The following UTRN variants were observed in gnomAD, a reference collection of about 807,000 sequenced individuals.
The protein encoded by UTRN is dystrophin-related protein 1.
In UTRN, 283 loss-of-function variants were observed where a neutral mutation model predicts 463.9. The observed-to-expected ratio is 0.61, with a 90% CI of 0.55 to 0.67. The LOEUF (loss-of-function observed/expected upper bound fraction) is 0.67, where lower values mean the gene tolerates loss of function less well. UTRN is among the 30% of genes least tolerant of loss of function. The probability of loss-of-function intolerance (pLI) is 0.00; values close to 1 mark genes in which losing one functional copy is unlikely to be tolerated. For missense variants in UTRN, 3,922 were observed against 4,084.3 expected (o/e 0.96, Z 1.08); for synonymous variants, 1,442 against 1,431.5 (o/e 1.01, Z -0.17).
chr6:144,522,271 A>G (rs926392808), intron 40 of UTRN, 100 bp downstream of exon 40: 11 of 957,406 alleles, frequency 1.1e-5, no homozygotes, highest in Admixed American at 3.2e-5. Flanking sequence ...ATCTTTTACA[A>G]TTTGTGCCAG....
chr6:144,408,596 T>G (rs536015368), intron 3 of UTRN, among the ~76,000 whole-genome samples: 2 of 152,340 alleles, frequency 1.3e-5, no homozygotes, highest in East Asian at 1.9e-4. Context: ...TGAGCCAAGT[T>G]TTCATGTAAG....
At chr6:144,429,523 C>A in intron 8 of UTRN, 58 bp from the exon 9 acceptor site, 1 of 1,453,918 alleles carries the variant, frequency 6.9e-7, no homozygotes, top group South Asian at 1.3e-5. Context: ...TAATATTGAG[C>A]AATTCACATA....
rs1356435223 is a variant in UTRN at position 144,490,140 on chromosome 6, C to A, written c.4204C>A (p.Pro1402Thr). The change falls in exon 31 of 75, where the codon CCC (proline) becomes ACC (threonine). Residue 1402 changes from proline to threonine, a missense_variant. By Grantham distance (38) the Pro-to-Thr change is conservative (BLOSUM62 -1). Transcript: ENST00000367545. ...EELRRNMRSQ[P>T]LTSPESRTAR... ...GTTGAGAAGAAATATGCGTTCTCAG[C>A]CCCTGACCTCCCCAGAGAGTAGGAC... 1 of 1,613,614 alleles carries A rather than the reference C, an allele frequency of 6.2e-7. No individual in the cohort carries two copies. The highest frequency in any genetic ancestry group is 1.3e-5 in the African/African-American group (1 of 74,878).
At chr6:144,611,882 T>G (rs1212858555) in intron 51 of UTRN, among the ~76,000 whole-genome samples, 1 of 152,146 alleles carries the variant, frequency 6.6e-6, no homozygotes, top group African/African-American at 2.4e-5. Context: ...CCACAAATGA[T>G]TCTAAATAGC....
At chr6:144,764,213 G>A (rs1453701702) in intron 58 of UTRN, among the ~76,000 whole-genome samples, 1 of 152,194 alleles carries the variant, frequency 6.6e-6, no homozygotes, top group Non-Finnish European at 1.5e-5. Flanking sequence ...AGGGGCTTCA[G>A]ATAAATGAGC....
intron 19 of UTRN, among the ~76,000 whole-genome samples, chr6:144,455,173 A>G (rs987806808): frequency 2.6e-5 from 4 of 152,330 alleles, no homozygotes; most frequent in African/African-American, 4.8e-5. Flanking sequence ...GTGTATGTCC[A>G]TTTATTTTGA....
intron 73 of UTRN, 77 bp downstream of exon 73, chr6:144,840,909 T>G (rs1586790416): frequency 6.7e-7 from 1 of 1,497,032 alleles, no homozygotes; most frequent in East Asian, 2.3e-5. Context: ...GCCCTTCGCC[T>G]TCTTCCTTAA....
At chr6:144,319,262 C>G (rs1775479055) in intron 2 of UTRN, among the ~76,000 whole-genome samples, 1 of 151,812 alleles carries the variant, frequency 6.6e-6, no homozygotes, top group African/African-American at 2.4e-5. Context: ...AGTTGTGGGT[C>G]TGACATTTTC....
intron 50 of UTRN, 89 bp from the exon 51 acceptor site, chr6:144,577,010 C>T: frequency 7.6e-7 from 1 of 1,313,486 alleles, no homozygotes; most frequent in Non-Finnish European, 1.1e-6. Context: ...TTGGGGGCTG[C>T]CTGTTAGTTT....
intron 47 of UTRN, among the ~76,000 whole-genome samples, chr6:144,550,027 A>G (rs1307214052): frequency 6.6e-6 from 1 of 152,234 alleles, no homozygotes; most frequent in African/African-American, 2.4e-5. Flanking sequence ...CAAGAAATGC[A>G]TAAATCAAGG....
At chr6:144,766,787 G>GGT (rs35485550) in intron 58 of UTRN, among the ~76,000 whole-genome samples, 16,777 of 150,940 alleles carry the variant, frequency 0.11, 1,276 homozygotes, top group East Asian at 0.45. Context: ...TTGAGGTAGG[G>GGT]GTGTGTGTGT....
rs1259695507 is a variant in UTRN at position 144,414,483 on chromosome 6, C to A, written c.142-7395C>A. Among the ~76,000 whole-genome samples, 5 of 151,894 alleles carry A rather than the reference C, an allele frequency of 3.3e-5. No individual in the cohort carries two copies. The East Asian group carries it at 9.7e-4, about 29-fold the overall frequency. ...TGTTTTAAGCTGTTATTATAAAAGT[C>A]AAAAAATTAAAGAAATTGAAAAATT... On this transcript the variant is annotated intron_variant, in intron 3 of 74. Coordinates refer to ENST00000367545, the MANE Select transcript of UTRN (RefSeq NM_007124.3).
intron 43 of UTRN, among the ~76,000 whole-genome samples, chr6:144,537,121 A>T (rs1797608730): frequency 6.6e-6 from 1 of 152,084 alleles, no homozygotes; most frequent in African/African-American, 2.4e-5. Flanking sequence ...TCTATGAATA[A>T]AGCAGAGTAA....
At chr6:144,830,624 A>G (rs1226717337) in intron 69 of UTRN, among the ~76,000 whole-genome samples, 2 of 152,222 alleles carry the variant, frequency 1.3e-5, no homozygotes, top group African/African-American at 2.4e-5. Flanking sequence ...CCCACAGGCC[A>G]CATGTGGCCC....
chr6:144,407,708 T>C (rs1783538997), intron 3 of UTRN, among the ~76,000 whole-genome samples: 2 of 152,210 alleles, frequency 1.3e-5, no homozygotes, highest in African/African-American at 4.8e-5. Flanking sequence ...TAAAACCATC[T>C]TTTAATTTGT....
intron 51 of UTRN, among the ~76,000 whole-genome samples, chr6:144,633,227 C>CTTTT (rs34812473): frequency 2.3e-5 from 3 of 131,710 alleles, no homozygotes; most frequent in Admixed American, 7.8e-5. Context: ...ACTACTTCTC[C>CTTTT]TTTTTTTTTT....
chr6:144,627,873 TA>T, intron 51 of UTRN, among the ~76,000 whole-genome samples: 1 of 149,808 alleles, frequency 6.7e-6, no homozygotes. Flanking sequence ...GATCTCAGCT[TA>T]CTGCAACGTC....
chr6:144,464,194 G>A (rs532348830), intron 23 of UTRN, among the ~76,000 whole-genome samples: 1 of 152,278 alleles, frequency 6.6e-6, no homozygotes, highest in Admixed American at 6.5e-5. Flanking sequence ...CAGAGAACAC[G>A]TGGTAGAAGA....
chr6:144,521,874 C>A, intron 39 of UTRN, 106 bp from the exon 40 acceptor site: 1 of 724,738 alleles, frequency 1.4e-6, no homozygotes. Context: ...AAATTTGGTT[C>A]ATGATATTGC....
Sources: gnomAD v4.1 joint callset for allele counts (sites outside exome capture counted in the v4.1 genomes callset) on GRCh38, gnomAD v4.1.1 for gene constraint, MANE v1.5 for transcripts, NCBI Gene and HGNC (gene_info 2026-07-23, HGNC 2026-07-21) for gene names.